Variants in TOPAZ1 observed in about 807,000 individuals in gnomAD.
The protein encoded by TOPAZ1 is protein TOPAZ1.
A neutral mutation model predicts 172.2 loss-of-function variants in TOPAZ1; 66 were observed. The ratio of observed to expected loss-of-function variants is 0.38; its 90% CI spans 0.31 to 0.47. The LOEUF (loss-of-function observed/expected upper bound fraction) is 0.47. TOPAZ1 is among the 20% of genes least tolerant of loss of function. The pLI is 0.99. For missense variants in TOPAZ1, 1,822 were observed against 1,972.4 expected (o/e 0.92, Z 1.44); for synonymous variants, 681 against 683.9 (o/e 1.00, Z 0.07).
chr3:44,299,957 T>TGGGGGGGGGGGG (rs59025711), intron 12 of TOPAZ1, among the ~76,000 whole-genome samples: 8 of 94,078 alleles, frequency 8.5e-5, no homozygotes, highest in South Asian at 7.3e-4. Flanking sequence ...TGTTGTGGGG[T>TGGGGGGGGGGGG]GGGGGGAGGG....
rs561073375 is a variant in TOPAZ1, at chr3:44,261,306, A to C, written c.2956-1113A>C. The stretch of plus-strand genomic sequence containing the variant: ...TTTATAGTTTTGGGTTTTACATTTA[A>C]GTTTTTAACCATCTCAAGTTGATTT... On this transcript the variant is annotated intron_variant, in intron 4 of 19. Transcript: ENST00000309765. 2.0e-5 allele frequency among the ~76,000 whole-genome samples: 3 copies of C among 152,170 alleles called. No homozygotes were observed. In the South Asian group the frequency reaches 6.2e-4, roughly 32 times the overall value.
At chr3:44,268,247 G>A (rs1011608801) in intron 6 of TOPAZ1, among the ~76,000 whole-genome samples, 19 of 151,866 alleles carry the variant, frequency 1.3e-4, no homozygotes, top group African/African-American at 4.6e-4. Flanking sequence ...TTCTAGAAGG[G>A]TTCATTTTCT....
Position 44,257,643 on chromosome 3 carries a change from C to T in TOPAZ1, c.2955+1365C>T, listed in dbSNP as rs1229439314. Among the ~76,000 whole-genome samples the T allele has an allele frequency of 4.0e-5, 6 of 151,200 alleles. No individual in the cohort carries two copies. In the South Asian group the frequency reaches 8.4e-4, roughly 21 times the overall value. On this transcript the variant is annotated intron_variant, in intron 4 of 19. Coordinates refer to ENST00000309765, the MANE Select transcript of TOPAZ1 (RefSeq NM_001145030.2). Reference sequence around the variant, plus strand: ...AAAGTACTAGTGTACTTTTTTTTAACTTCTTATTTTGAAATAGAGATTCAC... The same window carrying T: ...AAAGTACTAGTGTACTTTTTTTTAATTTCTTATTTTGAAATAGAGATTCAC...
chr3:44,257,407 GTCTAT>G (rs1252144234), intron 4 of TOPAZ1, among the ~76,000 whole-genome samples: 1,716 of 92,648 alleles, frequency 0.019, 17 homozygotes, highest in African/African-American at 0.028. Flanking sequence ...GTGTGTGTGT[GTCTAT>G]TTTATATATT....
rs930708776 is a variant in TOPAZ1 at position 44,242,333 on chromosome 3, T to C, written c.280T>C (p.Ser94Pro). The change falls in exon 1 of 20, where the codon TCG becomes CCG. Residue 94 changes from serine to proline, a missense_variant. This residue lies in a region of TOPAZ1 where 1,489 missense variants were observed against 1,490.8 expected (regional missense o/e 1.00). Transcript: ENST00000309765. ...GRRGPVSPSD[S>P]SDPRGLEAAK... ...CAGGGGCCCGGTGAGCCCGTCAGAC[T>C]CGTCAGACCCGCGAGGCCTAGAAGC... is the stretch of plus-strand genomic sequence containing the variant. The C allele has an allele frequency of 1.5e-5, 24 of 1,552,164 alleles. No individual in the cohort carries two copies. Among genetic ancestry groups the C allele is most frequent in the East Asian group, 1.2e-4 (5 of 40,884 alleles).
At chr3:44,279,767 C>T (rs1559535319) in intron 8 of TOPAZ1, among the ~76,000 whole-genome samples, 1 of 152,020 alleles carries the variant, frequency 6.6e-6, no homozygotes, top group Non-Finnish European at 1.5e-5. Context: ...ATCCATTTAG[C>T]CAATCTATAT....
At position 44,306,257 on chromosome 3, in the gene TOPAZ1, A is replaced by G. The variant is rs1700335629; in HGVS notation, c.4040-69A>G. On this transcript the variant is annotated intron_variant, in intron 14 of 19. Coordinates refer to ENST00000309765, the MANE Select transcript of TOPAZ1 (RefSeq NM_001145030.2). ...TTTATGGTAGTATCAATAATTCTGT[A>G]TTAGTTTGCCTCTTCCATCATTTTA... is the stretch of plus-strand genomic sequence containing the variant. 4.0e-6 allele frequency: 4 copies of G among 993,486 alleles called. No homozygotes were observed. The South Asian group carries it at 6.0e-5, about 15-fold the overall frequency. The allele number at this position is 993,486 out of a possible 1,614,324, so 61.5% of individuals were successfully genotyped here.
chr3:44,315,349 C>T (rs571278989), intron 16 of TOPAZ1, among the ~76,000 whole-genome samples: 6 of 151,788 alleles, frequency 4.0e-5, no homozygotes, highest in South Asian at 2.1e-4. Context: ...TCAGAAAAAA[C>T]GTGTTGTCTT....
intron 11 of TOPAZ1, among the ~76,000 whole-genome samples, chr3:44,288,916 AG>A (rs1700106671): frequency 6.6e-6 from 1 of 152,198 alleles, no homozygotes; most frequent in African/African-American, 2.4e-5. Flanking sequence ...TTCCCTGTTA[AG>A]ACTATTTCAG....
intron 19 of TOPAZ1, among the ~76,000 whole-genome samples, chr3:44,329,411 G>A (rs761306448): frequency 6.6e-6 from 1 of 152,132 alleles, no homozygotes; most frequent in Non-Finnish European, 1.5e-5. Flanking sequence ...TTCACCACAT[G>A]GGCCTCTCCA....
intron 16 of TOPAZ1, among the ~76,000 whole-genome samples, chr3:44,313,617 C>CAA (rs63007860): frequency 9.0e-5 from 9 of 99,672 alleles, no homozygotes; most frequent in African/African-American, 1.7e-4. Flanking sequence ...GACTCTGTCT[C>CAA]AAAAAAAAAA....
At chr3:44,277,328 T>A (rs1196346204) in intron 8 of TOPAZ1, among the ~76,000 whole-genome samples, 1 of 152,198 alleles carries the variant, frequency 6.6e-6, no homozygotes, top group African/African-American at 2.4e-5. Context: ...CACTATTAAT[T>A]TTTGTGTTTT....
intron 11 of TOPAZ1, 141 bp from the exon 12 acceptor site, chr3:44,290,630 C>A: frequency 1.7e-6 from 1 of 581,640 alleles, no homozygotes; most frequent in Admixed American, 3.7e-5. Context: ...TTCTGTGCCT[C>A]AATTTTTTTA....
In TOPAZ1 at chr3:44,245,113, T is replaced by G; in HGVS notation, c.2607T>G (p.Asp869Glu). The G allele has an allele frequency of 2.6e-6, 4 of 1,552,050 alleles. No homozygotes were observed. The highest frequency in any genetic ancestry group is 3.5e-6 in the Non-Finnish European group (4 of 1,147,072). The change falls in exon 2 of 20, where the codon GAT (aspartate) becomes GAG (glutamate). Residue 869 changes from aspartate to glutamate, a missense_variant. Asp to Glu is a conservative substitution (Grantham distance 45). This residue lies in a region of TOPAZ1 where 1,489 missense variants were observed against 1,490.8 expected (regional missense o/e 1.00). Transcript: ENST00000309765. ...DDVLLIDVIQ[D>E]DPDLFGVSNE... ...TCCTCTTAATTGATGTAATTCAAGATGACCCAGACCTCTTTGGAGTCTCCA... is the reference window on the plus strand; with the variant it reads ...TCCTCTTAATTGATGTAATTCAAGAGGACCCAGACCTCTTTGGAGTCTCCA...
chr3:44,268,367 T>A, intron 6 of TOPAZ1, among the ~76,000 whole-genome samples: 1 of 19,630 alleles, frequency 5.1e-5, no homozygotes, highest in Non-Finnish European at 1.4e-4. Context: ...GTGCCTATTC[T>A]TTTTTTTTTT....
intron 14 of TOPAZ1, 31 bp downstream of exon 14, chr3:44,305,352 G>A: frequency 1.3e-6 from 2 of 1,483,248 alleles, no homozygotes; most frequent in Non-Finnish European, 1.8e-6. Flanking sequence ...TGAATATTGT[G>A]TATGAGGATG....
In TOPAZ1 at chr3:44,242,078, C is replaced by T; in HGVS notation, c.25C>T (p.Pro9Ser). The T allele has an allele frequency of 1.3e-6, 2 of 1,546,232 alleles. No homozygotes were observed. Among genetic ancestry groups the T allele is most frequent in the Non-Finnish European group, 1.7e-6 (2 of 1,146,380 alleles). MRRPPPLG[P>S]TTASGPEGNV... ...CATGCGACGACCTCCACCCCTGGGC[C>T]CCACGACGGCCTCAGGGCCTGAAGG... Residue 9 changes from proline (P) to serine (S), a missense_variant, in exon 1 of 20, where the codon CCC (proline) becomes TCC (serine). Physicochemically the swap from Pro to Ser is moderately conservative, Grantham distance 74. Transcript: ENST00000309765.
rs1699702461 is a variant in TOPAZ1, at chr3:44,256,270, G to A, written c.2947G>A (p.Asp983Asn). Residue 983 changes from aspartate to asparagine, a missense_variant, in exon 4 of 20, where the codon GAT (aspartate) becomes AAT (asparagine). Around this residue, in one of 2 missense-constraint regions of TOPAZ1, gnomAD observed 1,489 missense variants for 1,490.8 expected, o/e 1.00. Transcript: ENST00000309765. ...FSEQIKGSDLDEKHRFTDKVI... is the reference protein window; with the variant it reads ...FSEQIKGSDLNEKHRFTDKVI... ...TGAACAAATAAAAGGTTCAGACTTG[G>A]ATGAAAAGGTACTAGGGGATCTTTT... 2 of 1,518,624 alleles carry A rather than the reference G, an allele frequency of 1.3e-6. No individual in the cohort carries two copies. Among genetic ancestry groups the A allele is most frequent in the Non-Finnish European group, 8.8e-7 (1 of 1,137,784 alleles). 94.1% of individuals were successfully genotyped at this position (1,518,624 alleles called of 1,614,324 possible).
In TOPAZ1 at chr3:44,244,637, G is replaced by A; in HGVS notation, c.2131G>A (p.Ala711Thr). ...EVNAKSSERE[A>T]YSPLELLDNL... is the part of the protein sequence containing the mutation. ...AAATGCCAAGTCATCAGAGAGAGAA[G>A]CTTACAGTCCTCTAGAACTTCTGGA... Residue 711 changes from alanine (A) to threonine (T), a missense_variant, in exon 2 of 20, where the codon GCT becomes ACT. Ala to Thr is a moderately conservative substitution (Grantham distance 58). Transcript: ENST00000309765. 1.3e-6 allele frequency: 2 copies of A among 1,551,372 alleles called. No homozygotes were observed. Among genetic ancestry groups the A allele is most frequent in the Non-Finnish European group, 1.7e-6 (2 of 1,146,938 alleles).
Sources: allele counts gnomAD v4.1 joint callset (sites outside exome capture counted in the v4.1 genomes callset), GRCh38; gene constraint gnomAD v4.1.1; regional missense constraint gnomAD v4.1.1; transcripts MANE v1.5; gene names NCBI Gene and HGNC (gene_info 2026-07-23, HGNC 2026-07-21).